Variants in CENPE observed in about 807,000 individuals in gnomAD.
CENPE encodes centromere-associated protein E.
A neutral mutation model predicts 336.1 loss-of-function variants in CENPE; 145 were observed. The ratio of observed to expected loss-of-function variants is 0.43; its 90% CI spans 0.38 to 0.50. CENPE has a LOEUF of 0.50. Among genes scored for constraint, CENPE ranks in the 20% least tolerant of loss-of-function variants. The probability of loss-of-function intolerance (pLI) is 0.00; values close to 1 mark genes in which losing one functional copy is unlikely to be tolerated. For synonymous variants in CENPE, 1,013 were observed against 984.8 expected, an observed-to-expected ratio of 1.03 and a Z score of -0.54; for missense variants, 2,719 against 3,023.3, an observed-to-expected ratio of 0.90 and a Z score of 2.36.
Position 103,194,644 on chromosome 4 carries a change from TATACAAC to T in CENPE, c.511_517del (p.Val171IlefsTer7). 6.2e-7 allele frequency: 1 copy of T among 1,609,692 alleles called. No individual in the cohort carries two copies. Among genetic ancestry groups the T allele is most frequent in the Non-Finnish European group, 8.5e-7 (1 of 1,178,326 alleles). On this transcript the variant is annotated frameshift_variant, in exon 6 of 49. Transcript: ENST00000265148. LOFTEE classifies it high-confidence loss of function. ...CCATTTCAAAGCCATTTCTGATGTA[TATACAAC>T]TTCTTCTGTGAGATCAGCAACATAC...
At chr4:103,139,655 T>C (rs751182590) in intron 38 of CENPE, 134 bp downstream of exon 38, 2 of 717,340 alleles carry the variant, frequency 2.8e-6, no homozygotes, top group Non-Finnish European at 4.2e-6. Context: ...GTGTAAAAAT[T>C]AGAGTAACCA....
Position 103,190,982 on chromosome 4 carries a change from C to T in CENPE, c.693+3247G>A, listed in dbSNP as rs113866998. Among the ~76,000 whole-genome samples the T allele has an allele frequency of 2.3e-3, 350 of 150,782 alleles. 1 individual carries two copies. Among genetic ancestry groups the T allele is most frequent in the Middle Eastern group, 0.01 (3 of 294 alleles). Reference sequence around the variant, plus strand: ...ACAAACAACCACATCGACAAGTGGGCGAAGGATATGAACAGACACTTCTCA... The same window carrying T: ...ACAAACAACCACATCGACAAGTGGGTGAAGGATATGAACAGACACTTCTCA... On this transcript the variant is annotated intron_variant, in intron 8 of 48. Coordinates refer to ENST00000265148, the MANE Select transcript of CENPE (RefSeq NM_001813.3).
chr4:103,119,104 GT>G (rs974156535), intron 44 of CENPE, among the ~76,000 whole-genome samples: 1 of 152,006 alleles, frequency 6.6e-6, no homozygotes, highest in Admixed American at 6.6e-5. Context: ...CCAGAACCAT[GT>G]ACCCCCTTGT....
chr4:103,159,034 C>T lies in CENPE; in HGVS notation c.2577G>A (p.Ser859=), dbSNP rs373941578. 1.2e-5 allele frequency: 18 copies of T among 1,533,910 alleles called. No homozygotes were observed. Among genetic ancestry groups the T allele is most frequent in the Admixed American group, 9.0e-5 (4 of 44,574 alleles). ...CCTCGGTCTTCAAAGCACCCAAACT[C>T]GAATCAAATTTTTGGGCTTCTTTAG... is the stretch of plus-strand genomic sequence containing the variant. ...NLSKEAQKFD[S]SLGALKTELS... Residue 859 remains serine, a synonymous_variant, in exon 22 of 49, where the codon TCG becomes TCA. Transcript: ENST00000265148.
intron 28 of CENPE, among the ~76,000 whole-genome samples, 155 bp downstream of exon 28, chr4:103,148,689 A>G (rs1753272168): frequency 6.6e-6 from 1 of 152,220 alleles, no homozygotes; most frequent in Non-Finnish European, 1.5e-5. Flanking sequence ...TTGCATTTCT[A>G]TAACCTAGGA....
Position 103,145,045 on chromosome 4 carries a change from C to T in CENPE, c.4857+5G>A. On this transcript the variant is annotated splice_donor_5th_base_variant and intron_variant, in intron 32 of 48. Transcript: ENST00000265148. ...AAAAAAAAAAAAAATAAGATGGGAA[C>T]TTACTTTAGCTACAATTTCTTTAGT... is the stretch of plus-strand genomic sequence containing the variant. 1 of 1,479,290 alleles carries T rather than the reference C, an allele frequency of 6.8e-7. No individual in the cohort carries two copies. The highest frequency in any genetic ancestry group is 2.3e-5 in the East Asian group (1 of 43,368). The allele number at this position is 1,479,290 out of a possible 1,614,324, so 91.6% of individuals were successfully genotyped here.
Position 103,114,501 on chromosome 4 carries a change from T to C in CENPE, c.7494A>G (p.Leu2498=). ...TVEYQKEVIR[L]LRENLRRSQQ... is the part of the protein sequence containing the mutation. ...GACTTCTTCTGAGATTTTCTCTCAA[T>C]AGCCTTATAACTTCCTTTTGATATT... The change falls in exon 46 of 49, where the codon CTA becomes CTG. Residue 2498 remains leucine, a synonymous_variant. Coordinates refer to ENST00000265148, the MANE Select transcript of CENPE (RefSeq NM_001813.3). The C allele has an allele frequency of 1.2e-6, 2 of 1,612,028 alleles. No individual in the cohort carries two copies. The highest frequency in any genetic ancestry group is 8.5e-7 in the Non-Finnish European group (1 of 1,179,134).
intron 48 of CENPE, among the ~76,000 whole-genome samples, chr4:103,106,840 T>G (rs1308797528): frequency 6.6e-6 from 1 of 152,154 alleles, no homozygotes; most frequent in Non-Finnish European, 1.5e-5. Flanking sequence ...TTAGATTACC[T>G]TTTATAATTA....
At chr4:103,184,157 G>A (rs948476090) in intron 9 of CENPE, among the ~76,000 whole-genome samples, 7 of 152,124 alleles carry the variant, frequency 4.6e-5, no homozygotes, top group African/African-American at 9.7e-5. Context: ...CTAACCAACC[G>A]GCTAAAACAA....
rs1370926096 is a variant in CENPE at position 103,140,822 on chromosome 4, T to C, written c.5746A>G (p.Lys1916Glu). ...DQLKESLQET[K>E]ARDLEIQQEL... Reference sequence around the variant, plus strand: ...GAGAGAACACAACTCACTCTAGCTTTGGTTTCTTGCAGGCTTTCCTTGAGT... The same window carrying C: ...GAGAGAACACAACTCACTCTAGCTTCGGTTTCTTGCAGGCTTTCCTTGAGT... The change falls in exon 36 of 49, where the codon AAA (lysine) becomes GAA (glutamate). Residue 1916 changes from lysine (K) to glutamate (E), a missense_variant. Around this residue, in one of 5 missense-constraint regions of CENPE, gnomAD observed 2,437 missense variants for 2,513.3 expected, o/e 0.97. Transcript: ENST00000265148. The C allele has an allele frequency of 6.3e-7, 1 of 1,583,674 alleles. No homozygotes were observed. The highest frequency in any genetic ancestry group is 2.2e-5 in the East Asian group (1 of 44,714).
intron 8 of CENPE, among the ~76,000 whole-genome samples, chr4:103,188,429 G>A (rs370262562): frequency 1.3e-5 from 2 of 151,922 alleles, no homozygotes; most frequent in Non-Finnish European, 2.9e-5. Flanking sequence ...GAACAGAAAT[G>A]ATAACAAACT....
In CENPE at chr4:103,123,001, T is replaced by C; in HGVS notation, c.7013A>G (p.Lys2338Arg). 1.2e-6 allele frequency: 2 copies of C among 1,614,016 alleles called. No homozygotes were observed. The highest frequency in any genetic ancestry group is 1.7e-6 in the Non-Finnish European group (2 of 1,179,914). Residue 2338 changes from lysine to arginine, a missense_variant, in exon 43 of 49, where the codon AAA becomes AGA. Lys to Arg is a conservative substitution (Grantham distance 26). Around this residue, in one of 5 missense-constraint regions of CENPE, gnomAD observed 2,437 missense variants for 2,513.3 expected, o/e 0.97. Coordinates refer to ENST00000265148, the MANE Select transcript of CENPE (RefSeq NM_001813.3). The part of the protein sequence containing the change: ...WEQDLKSLKE[K>R]NEKLFKNYQT... ...GTAGTTTTTAAATAGTTTTTCATTT[T>C]TCTCTTTCAGTGATTTCAGGTCCTG...
At chr4:103,165,690 T>C (rs1754845236) in intron 16 of CENPE, among the ~76,000 whole-genome samples, 1 of 152,076 alleles carries the variant, frequency 6.6e-6, no homozygotes, top group African/African-American at 2.4e-5. Context: ...TTGTGTCGAA[T>C]TAAAAGTAAA....
At position 103,182,743 on chromosome 4, in the gene CENPE, A is replaced by T. The variant is rs1206307239; in HGVS notation, c.963+19T>A. 1 of 1,578,632 alleles carries T rather than the reference A, an allele frequency of 6.3e-7. No homozygotes were observed. Among genetic ancestry groups the T allele is most frequent in the African/African-American group, 1.4e-5 (1 of 73,980 alleles). ...GCTGATCTTCCCCTATATTAAGCTG[A>T]GATAAAAATCAAACTCACCTGGAGA... On this transcript the variant is annotated intron_variant, in intron 11 of 48. Transcript: ENST00000265148.
chr4:103,180,527 T>G, intron 12 of CENPE, 58 bp from the exon 13 acceptor site: 1 of 1,112,132 alleles, frequency 9.0e-7, no homozygotes, highest in Non-Finnish European at 1.3e-6. Flanking sequence ...TTTAAAACCT[T>G]AAAGTAGCAT....
chr4:103,122,200 A>C (rs1411195099), intron 43 of CENPE, among the ~76,000 whole-genome samples: 2 of 152,130 alleles, frequency 1.3e-5, no homozygotes, highest in Non-Finnish European at 2.9e-5. Context: ...AGTTCTCATT[A>C]AGCTGGTGGT....
At chr4:103,192,040 G>T (rs920547834) in intron 8 of CENPE, among the ~76,000 whole-genome samples, 1 of 151,956 alleles carries the variant, frequency 6.6e-6, no homozygotes. Flanking sequence ...CAGTGAAGGG[G>T]TGTCTTGTTT....
At position 103,180,465 on chromosome 4, in the gene CENPE, G is replaced by T; in HGVS notation, c.1088C>A (p.Ser363Tyr). 3 of 1,605,368 alleles carry T rather than the reference G, an allele frequency of 1.9e-6. No homozygotes were observed. The highest frequency in any genetic ancestry group is 2.6e-6 in the Non-Finnish European group (3 of 1,175,398). Reference protein sequence around the residue: ...MDLKKQLEEVSLETRAQAMEK... With the variant: ...MDLKKQLEEVYLETRAQAMEK... ...CATTGCCTGAGCCCGCGTCTCTAAA[G>T]AAACCTATAGAATGCAATATTGGAT... The change falls in exon 13 of 49, where the codon TCT becomes TAT. Residue 363 changes from serine (S) to tyrosine (Y), a missense_variant. By Grantham distance (144) the Ser-to-Tyr change is moderately radical. Coordinates refer to ENST00000265148, the MANE Select transcript of CENPE (RefSeq NM_001813.3).
intron 13 of CENPE, 39 bp from the exon 14 acceptor site, chr4:103,177,085 G>A (rs1201198848): frequency 2.0e-6 from 3 of 1,495,172 alleles, no homozygotes; most frequent in East Asian, 2.3e-5. Context: ...ATATAGATCT[G>A]TATTCAAACA....
Sources: gnomAD v4.1 joint callset for allele counts (sites outside exome capture counted in the v4.1 genomes callset) on GRCh38, gnomAD v4.1.1 for gene constraint, gnomAD v4.1.1 regional missense constraint, MANE v1.5 for transcripts, NCBI Gene and HGNC (gene_info 2026-07-23, HGNC 2026-07-21) for gene names.